Variants in PCDHA1 observed in about 807,000 individuals in gnomAD.
PCDHA1 encodes protocadherin alpha 1.
In PCDHA1, 42 loss-of-function variants were observed where a neutral mutation model predicts 61.3. The observed-to-expected ratio is 0.69, with a 90% CI of 0.54 to 0.89. PCDHA1 has a LOEUF of 0.89. PCDHA1 is among the 40% of genes least tolerant of loss of function. The pLI is 0.00. For synonymous variants in PCDHA1, 610 were observed against 553.8 expected, an observed-to-expected ratio of 1.10 and a Z score of -1.43; for missense variants, 1,256 against 1,235.3, an observed-to-expected ratio of 1.02 and a Z score of -0.25.
rs184672024 is a variant in PCDHA1, at chr5:140,889,762, T to C, written c.2395-89187T>C. Among the ~76,000 whole-genome samples, 15 of 152,308 alleles carry C rather than the reference T, an allele frequency of 9.8e-5. No homozygotes were observed. The East Asian group carries it at 2.9e-3, about 29-fold the overall frequency. The stretch of plus-strand genomic sequence containing the variant: ...GAGTCTAATTTTTCTTTCCTTGAAC[T>C]TTGACTGGTCTTAATATTGGAAGTA... On this transcript the variant is annotated intron_variant, in intron 1 of 3. Coordinates refer to ENST00000504120, the MANE Select transcript of PCDHA1 (RefSeq NM_018900.4).
Position 140,786,288 on chromosome 5 carries a change from G to T in PCDHA1, c.-3G>T. The T allele has an allele frequency of 1.9e-6, 3 of 1,595,350 alleles. No homozygotes were observed. The highest frequency in any genetic ancestry group is 2.2e-5 in the East Asian group (1 of 44,820). ...AGCATAAGAAAGGTGTAGTCCTTTT[G>T]CAATGGTGTTTTCTAGGAGAGGGGG... On this transcript the variant is annotated 5_prime_UTR_variant, in exon 1 of 4. Transcript: ENST00000504120.
intron 1 of PCDHA1, chr5:140,875,828 T>C: frequency 6.2e-7 from 1 of 1,614,196 alleles, no homozygotes; most frequent in African/African-American, 1.3e-5. Flanking sequence ...GTTTTCCATG[T>C]GGACGTGGAG....
At chr5:140,801,731 T>C in intron 1 of PCDHA1, 1 of 1,614,130 alleles carries the variant, frequency 6.2e-7, no homozygotes, top group South Asian at 1.1e-5. Context: ...CTGAATATTT[T>C]ACCTTGGACG....
chr5:140,880,848 T>C (rs557784006), intron 1 of PCDHA1, among the ~76,000 whole-genome samples: 31 of 152,258 alleles, frequency 2.0e-4, no homozygotes, highest in African/African-American at 7.0e-4. Flanking sequence ...TGGTTGACTA[T>C]GTAGTCTAAT....
chr5:140,796,518 C>A (rs1169490682), intron 1 of PCDHA1: 2 of 1,612,430 alleles, frequency 1.2e-6, no homozygotes, highest in Admixed American at 1.7e-5. Flanking sequence ...GCAAGGTGTA[C>A]GCGCTGCAGC....
chr5:140,962,920 T>C (rs2095718930), intron 1 of PCDHA1, among the ~76,000 whole-genome samples: 1 of 152,186 alleles, frequency 6.6e-6, no homozygotes, highest in South Asian at 2.1e-4. Context: ...ATTTGACAGA[T>C]ACTTCTCAAC....
intron 1 of PCDHA1, among the ~76,000 whole-genome samples, chr5:140,947,556 A>C (rs1281977555): frequency 1.3e-5 from 2 of 151,584 alleles, no homozygotes; most frequent in Admixed American, 6.6e-5. Flanking sequence ...TTCCGCTGGG[A>C]TTTATATTGG....
At chr5:140,802,994 A>T (rs782332200) in intron 1 of PCDHA1, 1 of 1,613,898 alleles carries the variant, frequency 6.2e-7, no homozygotes, top group Admixed American at 1.7e-5. Flanking sequence ...CAGTGGATGC[A>T]GACTCAGGCT....
chr5:141,011,325 A>G lies in PCDHA1; in HGVS notation c.*1388A>G, dbSNP rs533115888. 1 of 153,778 alleles carries G rather than the reference A, an allele frequency of 6.5e-6. No individual in the cohort carries two copies. Among genetic ancestry groups the G allele is most frequent in the African/African-American group, 2.4e-5 (1 of 41,456 alleles). 9.5% of individuals were successfully genotyped at this position (153,778 alleles called of 1,614,324 possible). On this transcript the variant is annotated 3_prime_UTR_variant, in exon 4 of 4. Transcript: ENST00000504120. ...TGAATTGCTAATCTTACTAACACCTATGATGTTACCTGAAATCAATCTCCC... is the reference window on the plus strand; with the variant it reads ...TGAATTGCTAATCTTACTAACACCTGTGATGTTACCTGAAATCAATCTCCC...
chr5:141,002,039 C>G (rs1198304632), intron 3 of PCDHA1, among the ~76,000 whole-genome samples: 1 of 152,216 alleles, frequency 6.6e-6, no homozygotes, highest in Non-Finnish European at 1.5e-5. Flanking sequence ...TGACTCTTTC[C>G]TGGGCATCCA....
At chr5:140,967,073 G>A (rs1554229137) in intron 1 of PCDHA1, 1 of 1,613,160 alleles carries the variant, frequency 6.2e-7, no homozygotes, top group South Asian at 1.1e-5. Flanking sequence ...CTTCGTCAAC[G>A]AGCGCATTGA....
chr5:140,848,526 G>A (rs1781577604), intron 1 of PCDHA1: 2 of 1,594,266 alleles, frequency 1.3e-6, no homozygotes, highest in Admixed American at 1.7e-5. Flanking sequence ...AGATCCAGAG[G>A]GTCAGCCTCT....
rs2150455221 is a variant in PCDHA1 at position 140,849,869 on chromosome 5, C to T, written c.2394+61185C>T. 12 of 1,598,574 alleles carry T rather than the reference C, an allele frequency of 7.5e-6. No homozygotes were observed. In the South Asian group the frequency reaches 8.8e-5, roughly 12 times the overall value. ...ACAACGCACCAGCGTTCGCGCAGTC[C>T]GAGTACACGGTGTTCGTGAAGGAGA... On this transcript the variant is annotated intron_variant, in intron 1 of 3. Transcript: ENST00000504120.
intron 1 of PCDHA1, chr5:140,824,263 T>G (rs2150133748): frequency 3.2e-5 from 41 of 1,289,644 alleles, no homozygotes; most frequent in Non-Finnish European, 4.4e-5. Context: ...TTGCACTAAT[T>G]CATGTATTAT....
intron 1 of PCDHA1, chr5:140,877,450 A>G (rs1406485859): frequency 1.9e-6 from 3 of 1,613,636 alleles, no homozygotes; most frequent in Non-Finnish European, 2.5e-6. Flanking sequence ...GCCCGCGCTG[A>G]CGTCCACGGC....
intron 1 of PCDHA1, chr5:140,828,910 G>A (rs2150160654): frequency 6.2e-7 from 1 of 1,613,410 alleles, no homozygotes; most frequent in Non-Finnish European, 8.5e-7. Context: ...ATGAAGGAGC[G>A]AATGGGGCAA....
At position 140,843,586 on chromosome 5, in the gene PCDHA1, G is replaced by A. The variant is rs2150363126; in HGVS notation, c.2394+54902G>A. 23 of 1,596,010 alleles carry A rather than the reference G, an allele frequency of 1.4e-5. 4 individuals carry two copies. The highest frequency in any genetic ancestry group is 5.4e-5 in the African/African-American group (4 of 74,542). ...GCTGGTCATACTCGCAACAACAGCC[G>A]CAGAGGGTGTGCTCTGGTGAGGGGC... On this transcript the variant is annotated intron_variant, in intron 1 of 3. Coordinates refer to ENST00000504120, the MANE Select transcript of PCDHA1 (RefSeq NM_018900.4).
chr5:140,939,283 GATCTAATC>G lies in PCDHA1; in HGVS notation c.2395-39661_2395-39654del, dbSNP rs1257109202. ...TCTTTTATGAGAGCTGTGCCCTCGT[GATCTAATC>G]ATCTCTACAAAAGCCCTACCTCCTA... On this transcript the variant is annotated intron_variant, in intron 1 of 3. Coordinates refer to ENST00000504120, the MANE Select transcript of PCDHA1 (RefSeq NM_018900.4). Among the ~76,000 whole-genome samples the G allele has an allele frequency of 2.0e-5, 3 of 152,184 alleles. No homozygotes were observed. In the East Asian group the frequency reaches 5.8e-4, roughly 29 times the overall value.
intron 1 of PCDHA1, chr5:140,796,442 C>G: frequency 6.2e-7 from 1 of 1,613,408 alleles, no homozygotes; most frequent in Non-Finnish European, 8.5e-7. Context: ...GTGTCCTACT[C>G]GCTGGTGGAG....
Sources: allele counts gnomAD v4.1 joint callset (sites outside exome capture counted in the v4.1 genomes callset), GRCh38; gene constraint gnomAD v4.1.1; transcripts MANE v1.5; gene names NCBI Gene and HGNC (gene_info 2026-07-23, HGNC 2026-07-21).